EYS: variants seen among roughly 807,000 people sequenced by gnomAD.
EYS encodes the protein EGF-like photoreceptor maintenance factor.
EYS carries 250 observed loss-of-function variants against 282.1 expected under a neutral mutation model. The ratio of observed to expected loss-of-function variants is 0.89; its 90% CI spans 0.80 to 0.98. EYS has a LOEUF of 0.98. Ranked by LOEUF, EYS falls within the 50% of genes least tolerant of loss-of-function variation. The pLI is 0.00. For synonymous variants in EYS, 1,355 were observed against 1,282.9 expected, an observed-to-expected ratio of 1.06 and a Z score of -1.20; for missense variants, 4,016 against 3,709.0, an observed-to-expected ratio of 1.08 and a Z score of -2.15.
intron 2 of EYS, among the ~76,000 whole-genome samples, chr6:65,612,544 C>A (rs1766037387): frequency 6.6e-6 from 1 of 151,748 alleles, no homozygotes; most frequent in South Asian, 2.1e-4. Flanking sequence ...AAATTCCTAA[C>A]CCTCTGGAAA....
At chr6:64,194,739 T>C (rs4519996) in intron 31 of EYS, among the ~76,000 whole-genome samples, 151,424 of 152,178 alleles carry the variant, frequency 1, 75,342 homozygotes, top group East Asian at 1. Flanking sequence ...ATATATATAT[T>C]CAAAATATAT....
intron 8 of EYS, among the ~76,000 whole-genome samples, chr6:65,365,666 C>A (rs1040405455): frequency 1.1e-4 from 16 of 151,680 alleles, no homozygotes; most frequent in African/African-American, 3.6e-4. Context: ...TTTTGATATT[C>A]TTTCAATGAG....
intron 12 of EYS, among the ~76,000 whole-genome samples, chr6:65,270,700 A>C (rs1767874922): frequency 6.6e-6 from 1 of 152,102 alleles, no homozygotes; most frequent in South Asian, 2.1e-4. Context: ...CTTCAATTAA[A>C]TATTAATTTT....
At chr6:65,018,526 A>T (rs1441473401) in intron 13 of EYS, among the ~76,000 whole-genome samples, 1 of 152,188 alleles carries the variant, frequency 6.6e-6, no homozygotes, top group African/African-American at 2.4e-5. Context: ...AACAAATTAC[A>T]TCTGAACTGA....
intron 36 of EYS, among the ~76,000 whole-genome samples, chr6:63,837,127 C>A (rs945574966): frequency 2.0e-5 from 3 of 151,634 alleles, no homozygotes; most frequent in Admixed American, 1.3e-4. Context: ...GATTTGAATT[C>A]AAAAAAATAT....
At chr6:64,016,085 G>A (rs894943353) in intron 33 of EYS, among the ~76,000 whole-genome samples, 2 of 152,078 alleles carry the variant, frequency 1.3e-5, no homozygotes, top group African/African-American at 4.8e-5. Flanking sequence ...CCTTTGGGCT[G>A]CTCTGTCCTG....
intron 16 of EYS, among the ~76,000 whole-genome samples, chr6:64,905,278 TTGATATTCATTTCTG>T (rs1401163856): frequency 6.6e-6 from 1 of 152,208 alleles, no homozygotes; most frequent in African/African-American, 2.4e-5. Context: ...ATGTTAGAAG[TTGATATTCATTTCTG>T]TGAAAGGTAC....
At chr6:64,580,564 G>A (rs1455662118) in intron 26 of EYS, among the ~76,000 whole-genome samples, 1 of 152,098 alleles carries the variant, frequency 6.6e-6, no homozygotes, top group African/African-American at 2.4e-5. Context: ...GAGTGGTAGA[G>A]AATGACTTTA....
chr6:64,617,263 G>A (rs1767303271), intron 24 of EYS, among the ~76,000 whole-genome samples, 155 bp downstream of exon 24: 1 of 152,130 alleles, frequency 6.6e-6, no homozygotes. Context: ...AAGGGAAAGA[G>A]GAATGCCGAG....
chr6:64,002,985 G>A (rs1471078825), intron 33 of EYS, among the ~76,000 whole-genome samples: 2 of 152,096 alleles, frequency 1.3e-5, no homozygotes, highest in Admixed American at 1.3e-4. Flanking sequence ...ATATTTTTCT[G>A]TTGTTTCCTG....
At position 63,909,136 on chromosome 6, in the gene EYS, C is replaced by T. The variant is rs1319195596; in HGVS notation, c.7056-44778G>A. Among the ~76,000 whole-genome samples the T allele has an allele frequency of 2.0e-5, 3 of 152,266 alleles. No individual in the cohort carries two copies. In the East Asian group the frequency reaches 5.8e-4, roughly 29 times the overall value. On this transcript the variant is annotated intron_variant, in intron 35 of 42. Coordinates refer to ENST00000503581, the MANE Select transcript of EYS (RefSeq NM_001142800.2). ...GAAGATGAGAAATTTGGGTTTTATT[C>T]TGTAGGGCAGTGGTTCTGAAAATGC... is the stretch of plus-strand genomic sequence containing the variant.
intron 13 of EYS, among the ~76,000 whole-genome samples, chr6:65,001,019 A>C (rs1771446233): frequency 6.6e-6 from 1 of 152,210 alleles, no homozygotes; most frequent in Admixed American, 6.5e-5. Context: ...CCACGCAGAT[A>C]GGCAGGTGCA....
chr6:65,077,267 G>A (rs1297678864), intron 12 of EYS, among the ~76,000 whole-genome samples: 2 of 152,018 alleles, frequency 1.3e-5, no homozygotes, highest in Non-Finnish European at 2.9e-5. Flanking sequence ...ATTTTCACAT[G>A]AGGTACATGT....
At chr6:63,799,788 C>G (rs1770739566) in intron 37 of EYS, among the ~76,000 whole-genome samples, 1 of 152,160 alleles carries the variant, frequency 6.6e-6, no homozygotes, top group Non-Finnish European at 1.5e-5. Context: ...ACCACAAGTG[C>G]TATGTAGGCT....
At chr6:65,278,997 T>C (rs1768143273) in intron 12 of EYS, among the ~76,000 whole-genome samples, 1 of 152,068 alleles carries the variant, frequency 6.6e-6, no homozygotes, top group African/African-American at 2.4e-5. Flanking sequence ...GAGAACAGGC[T>C]GGCCACCATG....
At chr6:64,223,023 C>T (rs1283060539) in intron 31 of EYS, among the ~76,000 whole-genome samples, 1 of 151,938 alleles carries the variant, frequency 6.6e-6, no homozygotes, top group African/African-American at 2.4e-5. Flanking sequence ...TTTCTTTCCT[C>T]TGCTTTTCAA....
At chr6:64,766,262 T>C (rs940927136) in intron 22 of EYS, among the ~76,000 whole-genome samples, 1 of 151,694 alleles carries the variant, frequency 6.6e-6, no homozygotes, top group Non-Finnish European at 1.5e-5. Context: ...TCTGCCCTTC[T>C]CCTCTCCTCT....
chr6:64,961,123 T>C (rs1447093476), intron 14 of EYS, among the ~76,000 whole-genome samples: 1 of 152,218 alleles, frequency 6.6e-6, no homozygotes, highest in African/African-American at 2.4e-5. Flanking sequence ...TATGTGTGCA[T>C]GTGCCTTTAT....
At chr6:64,613,083 T>A (rs2149846046) in intron 24 of EYS, among the ~76,000 whole-genome samples, 1 of 152,308 alleles carries the variant, frequency 6.6e-6, no homozygotes, top group African/African-American at 2.4e-5. Flanking sequence ...ATTTGAATGT[T>A]CTTTACACAG....
Sources: gnomAD v4.1 joint callset for allele counts (sites outside exome capture counted in the v4.1 genomes callset) on GRCh38, gnomAD v4.1.1 for gene constraint, MANE v1.5 for transcripts, NCBI Gene and HGNC (gene_info 2026-07-23, HGNC 2026-07-21) for gene names.